Variants in SEMA3D observed in about 807,000 individuals in gnomAD.
The protein encoded by SEMA3D is semaphorin-3D.
A neutral mutation model predicts 100.1 loss-of-function variants in SEMA3D; 84 were observed. The ratio of observed to expected loss-of-function variants is 0.84; its 90% CI spans 0.70 to 1.01. The LOEUF (loss-of-function observed/expected upper bound fraction) is 1.01, where lower values mean the gene tolerates loss of function less well. SEMA3D is among the 50% of genes least tolerant of loss of function. SEMA3D has a pLI of 0.00. For missense variants in SEMA3D, 875 were observed against 934.1 expected, an observed-to-expected ratio of 0.94 and a Z score of 0.82; for synonymous variants, 312 against 320.7, an observed-to-expected ratio of 0.97 and a Z score of 0.29.
intron 1 of SEMA3D, chr7:85,159,872 T>C (rs1330954350): frequency 1.0e-6 from 1 of 984,960 alleles, no homozygotes; most frequent in Non-Finnish European, 1.2e-6. Context: ...ATTATATGAC[T>C]GGAGGAAGGA....
At chr7:85,249,919 C>A in the SEMA3D span, among the ~76,000 whole-genome samples, 90 of 152,282 alleles carry the variant, frequency 5.9e-4, no homozygotes, top group African/African-American at 2.1e-3. Flanking sequence ...GTGAGCGACG[C>A]AGAAGACGGG....
chr7:85,138,665 T>TATA (rs1562832053), intron 2 of SEMA3D, among the ~76,000 whole-genome samples: 1 of 143,474 alleles, frequency 7.0e-6, no homozygotes, highest in African/African-American at 2.6e-5. Flanking sequence ...AATATATATA[T>TATA]TAAATTAAAT....
At chr7:85,158,106 A>G (rs1378553593) in intron 1 of SEMA3D, among the ~76,000 whole-genome samples, 1 of 152,164 alleles carries the variant, frequency 6.6e-6, no homozygotes, top group African/African-American at 2.4e-5. Context: ...AACTGCACAA[A>G]TTGTTTGTAA....
the SEMA3D span, among the ~76,000 whole-genome samples, chr7:85,227,931 T>G: frequency 6.6e-6 from 1 of 152,168 alleles, no homozygotes. Context: ...CTGGCAATAA[T>G]TATATGACTC....
At chr7:85,206,032 T>C in the SEMA3D span, among the ~76,000 whole-genome samples, 686 of 152,224 alleles carry the variant, frequency 4.5e-3, 5 homozygotes, top group African/African-American at 0.016. Flanking sequence ...TAGGTCTCTT[T>C]AGCTGAGTTC....
chr7:85,037,267 A>G (rs988906062), intron 11 of SEMA3D, among the ~76,000 whole-genome samples: 3 of 152,200 alleles, frequency 2.0e-5, no homozygotes, highest in African/African-American at 2.4e-5. Flanking sequence ...TAGAACATGC[A>G]TGGGTACCCA....
At chr7:85,130,382 T>C (rs1322408168) in intron 2 of SEMA3D, among the ~76,000 whole-genome samples, 2 of 152,220 alleles carry the variant, frequency 1.3e-5, no homozygotes, top group Admixed American at 6.5e-5. Flanking sequence ...GATAATGACA[T>C]ATGTTCATGC....
At chr7:85,245,282 C>A in the SEMA3D span, among the ~76,000 whole-genome samples, 1 of 152,038 alleles carries the variant, frequency 6.6e-6, no homozygotes, top group Non-Finnish European at 1.5e-5. Context: ...AACAAGAGAA[C>A]CTGCAGAGGC....
chr7:85,234,227 G>A, the SEMA3D span, among the ~76,000 whole-genome samples: 1 of 152,136 alleles, frequency 6.6e-6, no homozygotes, highest in African/African-American at 2.4e-5. Flanking sequence ...CAAGATGAAG[G>A]GCTTAATAAC....
At chr7:85,027,130 A>G (rs373355127) in intron 12 of SEMA3D, among the ~76,000 whole-genome samples, 1 of 152,082 alleles carries the variant, frequency 6.6e-6, no homozygotes, top group Admixed American at 6.6e-5. Context: ...ATGTTAGAGT[A>G]AAAAAGATCT....
At position 85,065,467 on chromosome 7, in the gene SEMA3D, G is replaced by A; in HGVS notation, c.675C>T (p.His225=). ...FTRSLGPTHD[H]HYIRTDISEH... ...CTGAAATGTCAGTTCTGATGTAGTG[G>A]TGGTCATGAGTAGGCCCAAGGGATC... Residue 225 remains histidine, a synonymous_variant, in exon 8 of 19, where the codon CAC becomes CAT. Transcript: ENST00000284136. 1.2e-6 allele frequency: 2 copies of A among 1,613,372 alleles called. No individual in the cohort carries two copies. The highest frequency in any genetic ancestry group is 1.7e-6 in the Non-Finnish European group (2 of 1,179,480).
chr7:85,011,593 T>C (rs1324080939), intron 17 of SEMA3D, among the ~76,000 whole-genome samples: 2 of 151,864 alleles, frequency 1.3e-5, no homozygotes, highest in East Asian at 3.9e-4. Flanking sequence ...TTTGTTGTTT[T>C]CTTTGTTGTT....
At chr7:85,180,743 A>AT (rs916486445) in intron 1 of SEMA3D, among the ~76,000 whole-genome samples, 2 of 152,150 alleles carry the variant, frequency 1.3e-5, no homozygotes, top group African/African-American at 4.8e-5. Flanking sequence ...TTAATCTGAC[A>AT]TTTTTTATCT....
chr7:85,191,946 T>C (rs1791700598), upstream of SEMA3D, among the ~76,000 whole-genome samples: 1 of 152,164 alleles, frequency 6.6e-6, no homozygotes, highest in African/African-American at 2.4e-5. Context: ...AGAAAATTCA[T>C]GATTTGCTTT....
intron 4 of SEMA3D, among the ~76,000 whole-genome samples, chr7:85,086,527 T>A (rs963587147): frequency 3.9e-5 from 6 of 152,046 alleles, no homozygotes; most frequent in African/African-American, 1.4e-4. Flanking sequence ...TCACATTATA[T>A]ATAATCTTTA....
intron 12 of SEMA3D, among the ~76,000 whole-genome samples, chr7:85,022,839 A>C (rs1234013315): frequency 1.3e-5 from 2 of 152,034 alleles, no homozygotes; most frequent in East Asian, 1.9e-4. Context: ...GCATTTTATA[A>C]TGTTTCCATA....
intron 10 of SEMA3D, chr7:85,041,876 G>A (rs1790875565): frequency 3.3e-6 from 1 of 302,034 alleles, no homozygotes; most frequent in East Asian, 5.7e-5. Flanking sequence ...AAGACTGCAT[G>A]GAGAATGGAT....
At chr7:85,151,656 A>G (rs1406033049) in intron 2 of SEMA3D, 1 of 979,538 alleles carries the variant, frequency 1.0e-6, no homozygotes, top group Non-Finnish European at 1.2e-6. Context: ...TTCTCAGTAT[A>G]TTATAGTGTA....
At chr7:85,191,249 G>A (rs958389865), upstream of SEMA3D, among the ~76,000 whole-genome samples, 1 of 152,124 alleles carries the variant, frequency 6.6e-6, no homozygotes, top group African/African-American at 2.4e-5. Context: ...TGATATAGGA[G>A]TCTATATGGT....
Sources: allele counts gnomAD v4.1 joint callset (sites outside exome capture counted in the v4.1 genomes callset), GRCh38; gene constraint gnomAD v4.1.1; transcripts MANE v1.5; gene names NCBI Gene and HGNC (gene_info 2026-07-23, HGNC 2026-07-21).